PPARGC1A: variants seen among roughly 807,000 people sequenced by gnomAD.
PPARGC1A encodes PPARG coactivator 1 alpha.
In PPARGC1A, 25 loss-of-function variants were observed where a neutral mutation model predicts 88.7. That is an observed-to-expected ratio of 0.28 (90% CI 0.21 to 0.39). PPARGC1A has a LOEUF of 0.39. PPARGC1A is among the 10% of genes least tolerant of loss of function. The probability of loss-of-function intolerance (pLI) is 1.00; values close to 1 mark genes in which losing one functional copy is unlikely to be tolerated. For missense variants in PPARGC1A, 880 were observed against 968.7 expected (o/e 0.91, Z 1.22); for synonymous variants, 363 against 355.6 (o/e 1.02, Z -0.24).
chr4:24,279,747 C>T, the PPARGC1A span, among the ~76,000 whole-genome samples: 4 of 152,272 alleles, frequency 2.6e-5, no homozygotes, highest in South Asian at 4.2e-4. Context: ...GTCACGCTCT[C>T]GGCTGGCATG....
the PPARGC1A span, among the ~76,000 whole-genome samples, chr4:24,264,356 G>A: frequency 3.3e-5 from 5 of 152,168 alleles, no homozygotes; most frequent in East Asian, 9.6e-4. Flanking sequence ...AGAGAGGTCT[G>A]TGATGCCACA....
At chr4:24,338,830 G>A in the PPARGC1A span, among the ~76,000 whole-genome samples, 2 of 151,922 alleles carry the variant, frequency 1.3e-5, no homozygotes, top group African/African-American at 4.8e-5. Flanking sequence ...GCCCCACTGG[G>A]ATGTTAGCCT....
chr4:24,317,717 T>G, the PPARGC1A span, among the ~76,000 whole-genome samples: 1 of 151,888 alleles, frequency 6.6e-6, no homozygotes, highest in African/African-American at 2.4e-5. Flanking sequence ...GTGGCTGCTG[T>G]TCTCCACAGC....
chr4:23,850,870 C>T (rs941201752), intron 2 of PPARGC1A, among the ~76,000 whole-genome samples: 18 of 152,172 alleles, frequency 1.2e-4, no homozygotes, highest in African/African-American at 4.1e-4. Flanking sequence ...TTCAGTGACC[C>T]TAACTTATCC....
the PPARGC1A span, among the ~76,000 whole-genome samples, chr4:23,977,900 A>G: frequency 6.6e-6 from 1 of 152,202 alleles, no homozygotes; most frequent in Non-Finnish European, 1.5e-5. Flanking sequence ...CCACCTGATA[A>G]ATTTGCATTA....
intron 2 of PPARGC1A, among the ~76,000 whole-genome samples, chr4:23,854,370 T>TG (rs1324695955): frequency 6.6e-6 from 1 of 152,182 alleles, no homozygotes; most frequent in Non-Finnish European, 1.5e-5. Flanking sequence ...TCCTAACCTT[T>TG]GGGTGTATTA....
intron 2 of PPARGC1A, among the ~76,000 whole-genome samples, chr4:23,852,377 A>G (rs1182717432): frequency 6.6e-6 from 1 of 152,116 alleles, no homozygotes; most frequent in African/African-American, 2.4e-5. Flanking sequence ...TTTGAGGAGG[A>G]GCTGATCACT....
At chr4:24,116,162 T>C in the PPARGC1A span, among the ~76,000 whole-genome samples, 66 of 152,340 alleles carry the variant, frequency 4.3e-4, no homozygotes, top group Non-Finnish European at 7.5e-4. Flanking sequence ...AATTTGTATA[T>C]ACGATTTTTG....
chr4:24,414,708 A>T, the PPARGC1A span, among the ~76,000 whole-genome samples: 1 of 152,172 alleles, frequency 6.6e-6, no homozygotes, highest in Admixed American at 6.5e-5. Flanking sequence ...TGGTGCTGAG[A>T]AGCACTGTGC....
chr4:24,454,034 T>G, the PPARGC1A span, among the ~76,000 whole-genome samples: 1 of 152,062 alleles, frequency 6.6e-6, no homozygotes, highest in East Asian at 1.9e-4. Context: ...TCCCTTACTC[T>G]TCTTGGTAAT....
At chr4:23,848,898 C>A (rs984829864) in intron 2 of PPARGC1A, among the ~76,000 whole-genome samples, 2 of 152,130 alleles carry the variant, frequency 1.3e-5, no homozygotes, top group South Asian at 2.1e-4. Context: ...AATCCCAGCA[C>A]TTTGGGAGGC....
intron 2 of PPARGC1A, chr4:23,866,308 A>G (rs1001334441): frequency 2.0e-5 from 3 of 152,208 alleles, no homozygotes; most frequent in African/African-American, 7.2e-5. Context: ...TAATAATGAT[A>G]GCTTGAACTG....
the PPARGC1A span, among the ~76,000 whole-genome samples, chr4:23,955,170 C>G: frequency 2.0e-5 from 3 of 152,166 alleles, no homozygotes; most frequent in African/African-American, 4.8e-5. Flanking sequence ...GCAGCATTCT[C>G]TCAAAACAGA....
At chr4:23,957,756 C>CT in the PPARGC1A span, among the ~76,000 whole-genome samples, 1 of 151,978 alleles carries the variant, frequency 6.6e-6, no homozygotes, top group African/African-American at 2.4e-5. Flanking sequence ...TAAAGGAGTA[C>CT]TTTTTAATGT....
the PPARGC1A span, among the ~76,000 whole-genome samples, chr4:24,139,113 G>A: frequency 2.6e-4 from 39 of 151,896 alleles, 2 homozygotes; most frequent in South Asian, 6.5e-3. Flanking sequence ...AAGTTACTAA[G>A]TTGCTTTTCT....
the PPARGC1A span, among the ~76,000 whole-genome samples, chr4:23,994,838 C>G: frequency 3.9e-5 from 6 of 152,070 alleles, no homozygotes; most frequent in African/African-American, 1.4e-4. Context: ...TTGATCATTG[C>G]AACATATATA....
the PPARGC1A span, among the ~76,000 whole-genome samples, chr4:24,434,834 C>T: frequency 7.9e-5 from 12 of 152,288 alleles, no homozygotes; most frequent in South Asian, 2.5e-3. Context: ...TCAGATTCCT[C>T]CAAAACTCAT....
the PPARGC1A span, among the ~76,000 whole-genome samples, chr4:24,039,683 A>G: frequency 3.3e-5 from 5 of 152,178 alleles, no homozygotes; most frequent in African/African-American, 9.6e-5. Flanking sequence ...ATCTTTCTAT[A>G]ACCTCATTTC....
At chr4:23,972,824 C>T in the PPARGC1A span, among the ~76,000 whole-genome samples, 6 of 152,108 alleles carry the variant, frequency 3.9e-5, no homozygotes, top group Non-Finnish European at 8.8e-5. Context: ...AAGATATTAA[C>T]ATTATTCTAT....
Sources: allele counts gnomAD v4.1 joint callset (sites outside exome capture counted in the v4.1 genomes callset), GRCh38; gene constraint gnomAD v4.1.1; transcripts MANE v1.5; gene names NCBI Gene and HGNC (gene_info 2026-07-23, HGNC 2026-07-21).